The following DLGAP2 variants were observed in gnomAD, a reference collection of about 807,000 sequenced individuals.
DLGAP2 encodes the protein disks large-associated protein 2.
Under a neutral mutation model 100.3 loss-of-function variants are expected in DLGAP2, and 26 were observed. The ratio of observed to expected loss-of-function variants is 0.26; its 90% CI spans 0.19 to 0.36. The LOEUF is 0.36. DLGAP2 is among the 10% of genes least tolerant of loss of function. The probability of loss-of-function intolerance (pLI) is 1.00; values close to 1 mark genes in which losing one functional copy is unlikely to be tolerated. For missense variants in DLGAP2, 1,858 were observed against 1,453.2 expected (o/e 1.28, Z -4.53); for synonymous variants, 886 against 630.1 (o/e 1.41, Z -6.08).
intron 1 of DLGAP2, among the ~76,000 whole-genome samples, chr8:859,589 G>A (rs867563930): frequency 1.3e-5 from 2 of 152,186 alleles, no homozygotes; most frequent in South Asian, 2.1e-4. Context: ...CAAACCTGCT[G>A]GGGGAGGCTG....
chr8:1,219,725 C>G (rs1368947313), intron 2 of DLGAP2, among the ~76,000 whole-genome samples: 1 of 152,090 alleles, frequency 6.6e-6, no homozygotes, highest in Non-Finnish European at 1.5e-5. Flanking sequence ...TAGAATTTGG[C>G]TGTGAATCCG....
chr8:934,447 A>G (rs536419507), intron 2 of DLGAP2, among the ~76,000 whole-genome samples: 1 of 152,306 alleles, frequency 6.6e-6, no homozygotes, highest in African/African-American at 2.4e-5. Flanking sequence ...GAGTCGATCT[A>G]TTTCCAGCTC....
chr8:1,113,979 G>C (rs2129046344), intron 2 of DLGAP2, among the ~76,000 whole-genome samples: 1 of 152,288 alleles, frequency 6.6e-6, no homozygotes, highest in South Asian at 2.1e-4. Flanking sequence ...CTTTAGTTCT[G>C]TTTATGTGAT....
At chr8:1,086,438 C>T (rs901457346) in intron 2 of DLGAP2, among the ~76,000 whole-genome samples, 1 of 152,042 alleles carries the variant, frequency 6.6e-6, no homozygotes, top group Non-Finnish European at 1.5e-5. Context: ...TACATTCATT[C>T]TATATCTAAT....
chr8:928,616 T>TA (rs1046940212), intron 2 of DLGAP2, among the ~76,000 whole-genome samples: 7 of 150,704 alleles, frequency 4.6e-5, no homozygotes, highest in African/African-American at 7.3e-5. Flanking sequence ...TTTAGAGGAA[T>TA]AAAAAAAAAT....
At chr8:798,466 C>T (rs1199562642) in intron 1 of DLGAP2, among the ~76,000 whole-genome samples, 1 of 145,544 alleles carries the variant, frequency 6.9e-6, no homozygotes, top group East Asian at 2.1e-4. Context: ...CGGCGCTGAC[C>T]AGGTGATGGG....
At chr8:1,127,242 A>G (rs1796188283) in intron 2 of DLGAP2, among the ~76,000 whole-genome samples, 1 of 151,410 alleles carries the variant, frequency 6.6e-6, no homozygotes, top group South Asian at 2.1e-4. Context: ...ACTTTGAGGA[A>G]TTGAAGATTT....
At chr8:1,194,779 C>T (rs556802175) in intron 2 of DLGAP2, among the ~76,000 whole-genome samples, 1 of 152,184 alleles carries the variant, frequency 6.6e-6, no homozygotes, top group Non-Finnish European at 1.5e-5. Context: ...ACCCTCTGTT[C>T]CCTACAGAAG....
intron 3 of DLGAP2, among the ~76,000 whole-genome samples, chr8:1,444,830 A>G (rs1356675856): frequency 8.3e-6 from 1 of 120,134 alleles, no homozygotes. Flanking sequence ...CTCAGGCTGG[A>G]GTGCAGTGGC....
chr8:742,540 C>G (rs1364509993), intron 1 of DLGAP2, among the ~76,000 whole-genome samples: 1 of 152,192 alleles, frequency 6.6e-6, no homozygotes, highest in African/African-American at 2.4e-5. Flanking sequence ...ACAGGGTCTC[C>G]CTCTGTCACC....
intron 2 of DLGAP2, among the ~76,000 whole-genome samples, chr8:962,454 G>A (rs566898831): frequency 9.8e-5 from 15 of 152,290 alleles, no homozygotes; most frequent in African/African-American, 1.9e-4. Context: ...TTGCTGACCC[G>A]TCCTTGCACT....
At chr8:1,191,677 A>G (rs1184769650) in intron 2 of DLGAP2, among the ~76,000 whole-genome samples, 2 of 152,182 alleles carry the variant, frequency 1.3e-5, no homozygotes, top group South Asian at 4.1e-4. Flanking sequence ...TTAGAAATCA[A>G]GAAGGAACTT....
chr8:1,242,658 T>C (rs1189407167), intron 2 of DLGAP2, among the ~76,000 whole-genome samples: 4 of 152,220 alleles, frequency 2.6e-5, no homozygotes, highest in African/African-American at 9.6e-5. Flanking sequence ...TAGGATTCCC[T>C]GATTAACATG....
At chr8:1,463,585 A>G (rs1798522219) in intron 3 of DLGAP2, among the ~76,000 whole-genome samples, 1 of 152,230 alleles carries the variant, frequency 6.6e-6, no homozygotes, top group Non-Finnish European at 1.5e-5. Context: ...TGAGGGGTCC[A>G]GTGGTTTAAG....
chr8:1,099,889 C>A (rs1470524909), intron 2 of DLGAP2, among the ~76,000 whole-genome samples: 1 of 152,202 alleles, frequency 6.6e-6, no homozygotes, highest in Non-Finnish European at 1.5e-5. Context: ...AAACACGTCC[C>A]TTCTATTATG....
At chr8:1,188,811 G>A (rs548967549) in intron 2 of DLGAP2, among the ~76,000 whole-genome samples, 6 of 149,086 alleles carry the variant, frequency 4.0e-5, no homozygotes, top group Admixed American at 2.0e-4. Flanking sequence ...CACCTGCTGC[G>A]TCCTCAGGAT....
chr8:1,524,291 G>A (rs113375429), intron 4 of DLGAP2, among the ~76,000 whole-genome samples: 1,906 of 152,216 alleles, frequency 0.013, 44 homozygotes, highest in African/African-American at 0.043. Context: ...TTAGAAGGTT[G>A]TCTCTTTAGG....
Position 1,094,320 on chromosome 8 carries a change from G to T in DLGAP2, c.74-164531G>T, listed in dbSNP as rs1456886928. Among the ~76,000 whole-genome samples the T allele has an allele frequency of 2.0e-5, 3 of 152,226 alleles. No individual in the cohort carries two copies. In the East Asian group the frequency reaches 5.8e-4, roughly 29 times the overall value. On this transcript the variant is annotated intron_variant, in intron 2 of 14. Coordinates refer to ENST00000637795, the MANE Select transcript of DLGAP2 (RefSeq NM_001346810.2). ...TAACTTTAATTATGTTATAAAAAAT[G>T]ATTTCTTTCCAATCCACTAACGGAG...
chr8:1,470,775 A>ACCCCTCCAGGCTTTCCCGACCC (rs1563168449), intron 3 of DLGAP2, among the ~76,000 whole-genome samples: 1 of 75,982 alleles, frequency 1.3e-5, no homozygotes, highest in Non-Finnish European at 3.2e-5. Flanking sequence ...GCCTTTCCCG[A>ACCCCTCCAGGCTTTCCCGACCC]CTCCCCCAGC....
Sources: allele counts gnomAD v4.1 joint callset (sites outside exome capture counted in the v4.1 genomes callset), GRCh38; gene constraint gnomAD v4.1.1; transcripts MANE v1.5; gene names NCBI Gene and HGNC (gene_info 2026-07-23, HGNC 2026-07-21).